PRPF40B: variants seen among roughly 807,000 people sequenced by gnomAD.
The protein encoded by PRPF40B is pre-mRNA-processing factor 40 homolog B.
A neutral mutation model predicts 124.5 loss-of-function variants in PRPF40B; 56 were observed. That is an observed-to-expected ratio of 0.45 (90% CI 0.36 to 0.56). PRPF40B has a LOEUF of 0.56. Among genes scored for constraint, PRPF40B ranks in the 20% least tolerant of loss-of-function variants. PRPF40B has a pLI of 0.00. For missense variants in PRPF40B, 1,053 were observed against 1,169.5 expected (o/e 0.90, Z 1.45); for synonymous variants, 443 against 426.4 (o/e 1.04, Z -0.48).
At chr12:49,630,731 C>A in intron 2 of PRPF40B, 106 bp downstream of exon 2, 1 of 630,832 alleles carries the variant, frequency 1.6e-6, no homozygotes, top group Non-Finnish European at 2.9e-6. Context: ...TGTAATGCCC[C>A]TTTTGCTGAC....
rs1393402421 is a variant in PRPF40B, at chr12:49,643,771, A to C, written c.2442+19A>C. ...CAAGTCGGTGAGTGAAGGAACTTCTACCTAAGCCCCTGCTATTTTGTGAGT... is the reference window on the plus strand; with the variant it reads ...CAAGTCGGTGAGTGAAGGAACTTCTCCCTAAGCCCCTGCTATTTTGTGAGT... On this transcript the variant is annotated intron_variant, in intron 24 of 25. Coordinates refer to ENST00000548825, the MANE Select transcript of PRPF40B (RefSeq NM_001031698.3). 6.2e-7 allele frequency: 1 copy of C among 1,613,762 alleles called. No homozygotes were observed. The highest frequency in any genetic ancestry group is 8.5e-7 in the Non-Finnish European group (1 of 1,179,924).
At chr12:49,637,676 GCCCCCAGGCCTTGGGAAGCTGCCGC>G (rs1244964405) in intron 17 of PRPF40B, 32 bp from the exon 18 acceptor site, 1 of 1,519,464 alleles carries the variant, frequency 6.6e-7, no homozygotes, top group Non-Finnish European at 9.0e-7. Flanking sequence ...CCTCGGCCCA[GCCCCCAGGCCTTGGGAAGCTGCCGC>G]CCGCCAGGCC....
In PRPF40B at chr12:49,626,627, G is replaced by A. The variant is rs1195182909; in HGVS notation, c.3+3034G>A. On this transcript the variant is annotated intron_variant, in intron 1 of 25. Coordinates refer to ENST00000548825, the MANE Select transcript of PRPF40B (RefSeq NM_001031698.3). ...AGGAGGAGGGAAGCCATTGAGTCAG[G>A]ATGAGCAAAGAAGAGTGTGGGGCGG... Among the ~76,000 whole-genome samples, 5 of 152,206 alleles carry A rather than the reference G, an allele frequency of 3.3e-5. No individual in the cohort carries two copies. The South Asian group carries it at 8.3e-4, about 25-fold the overall frequency.
Position 49,633,101 on chromosome 12 carries a change from A to C in PRPF40B, c.436A>C (p.Ser146Arg). The change falls in exon 7 of 26, where the codon AGC (serine) becomes CGC (arginine). Residue 146 changes from serine (S) to arginine (R), a missense_variant. Physicochemically the swap from Ser to Arg is moderately radical, Grantham distance 110. Around this residue, in one of 2 missense-constraint regions of PRPF40B, gnomAD observed 895 missense variants for 1,052.2 expected, o/e 0.85. Coordinates refer to ENST00000548825, the MANE Select transcript of PRPF40B (RefSeq NM_001031698.3). ...DDKQSVWEKP[S>R]VLKSKAELLL... ...CAAGCAGTCCGTGTGGGAGAAGCCCAGCGTGCTCAAGTCCAAGGCAGAGGT... is the reference window on the plus strand; with the variant it reads ...CAAGCAGTCCGTGTGGGAGAAGCCCCGCGTGCTCAAGTCCAAGGCAGAGGT... 1.3e-6 allele frequency: 2 copies of C among 1,597,752 alleles called. No homozygotes were observed. The highest frequency in any genetic ancestry group is 3.5e-5 in the Admixed American group (2 of 57,442).
chr12:49,631,773 G>T lies in PRPF40B; in HGVS notation c.229-87G>T. 1 of 1,375,504 alleles carries T rather than the reference G, an allele frequency of 7.3e-7. No homozygotes were observed. Among genetic ancestry groups the T allele is most frequent in the Non-Finnish European group, 1.0e-6 (1 of 964,080 alleles). The allele number at this position is 1,375,504 out of a possible 1,614,324, so 85.2% of individuals were successfully genotyped here. A position where few individuals can be genotyped will look rare whatever the true frequency, so the allele number is the denominator to read the frequency against. On this transcript the variant is annotated intron_variant, in intron 3 of 25. Coordinates refer to ENST00000548825, the MANE Select transcript of PRPF40B (RefSeq NM_001031698.3). The surrounding 1 kb of genome is among the most constrained non-coding windows in gnomAD (Gnocchi z 4.3). Reference sequence around the variant, plus strand: ...CAAGTGAGGGTCATGGCTCCAGTGAGATGTCTCAGGACCCTTTGAGGTACC... The same window carrying T: ...CAAGTGAGGGTCATGGCTCCAGTGATATGTCTCAGGACCCTTTGAGGTACC...
intron 22 of PRPF40B, 72 bp from the exon 23 acceptor site, chr12:49,643,151 T>G: frequency 1.3e-6 from 2 of 1,596,952 alleles, no homozygotes; most frequent in Admixed American, 1.7e-5. Context: ...TCCTCCTCTC[T>G]CGAATTCCCA....
chr12:49,628,383 C>T (rs1353875403), intron 1 of PRPF40B, among the ~76,000 whole-genome samples: 1 of 151,998 alleles, frequency 6.6e-6, no homozygotes, highest in Non-Finnish European at 1.5e-5. Context: ...GCCTCAGCCT[C>T]CCCAGTAGCT....
At chr12:49,624,088 C>T in intron 1 of PRPF40B, 1 of 987,280 alleles carries the variant, frequency 1.0e-6, no homozygotes, top group Non-Finnish European at 1.2e-6. Context: ...AAGAGCTTGT[C>T]TCCTGAGGTG....
chr12:49,633,680 T>C lies in PRPF40B; in HGVS notation c.605+19T>C. On this transcript the variant is annotated intron_variant, in intron 9 of 25. Coordinates refer to ENST00000548825, the MANE Select transcript of PRPF40B (RefSeq NM_001031698.3). ...CTGCAGGGTGAGTGACTTGCCCACC[T>C]ATCCATTTATAGTTGGGGCACCTGG... 6.2e-7 allele frequency: 1 copy of C among 1,614,160 alleles called. No homozygotes were observed. The highest frequency in any genetic ancestry group is 8.5e-7 in the Non-Finnish European group (1 of 1,180,010).
chr12:49,639,067 G>C (rs1942247309), intron 18 of PRPF40B: 1 of 152,164 alleles, frequency 6.6e-6, no homozygotes, highest in Admixed American at 6.5e-5. Context: ...ACATGCCCCA[G>C]CTTGGAAGTA....
At position 49,632,969 on chromosome 12, in the gene PRPF40B, G is replaced by A. The variant is rs1941372685; in HGVS notation, c.349-45G>A. 6 of 1,608,838 alleles carry A rather than the reference G, an allele frequency of 3.7e-6. No individual in the cohort carries two copies. The East Asian group carries it at 1.1e-4, about 30-fold the overall frequency. On this transcript the variant is annotated intron_variant, in intron 6 of 25. Transcript: ENST00000548825. ...ATCTTTGGGGTGAGGAGAGGCTTTG[G>A]AAAAGGGGCCTTGACCACCATTCTG...
chr12:49,623,906 G>A (rs1940450675), intron 1 of PRPF40B: 1 of 1,162,782 alleles, frequency 8.6e-7, no homozygotes, highest in South Asian at 4.4e-5. Context: ...GAAGAGAGAG[G>A]GCGGAGATGA....
intron 7 of PRPF40B, 27 bp downstream of exon 7, chr12:49,633,151 C>G (rs1363175387): frequency 1.3e-6 from 2 of 1,556,360 alleles, no homozygotes; most frequent in Non-Finnish European, 1.7e-6. Context: ...TCTGGCCCTT[C>G]CTTTCAGCTG....
chr12:49,634,951 A>G (rs1941613441), intron 12 of PRPF40B, 148 bp from the exon 13 acceptor site: 7 of 829,918 alleles, frequency 8.4e-6, no homozygotes, highest in Middle Eastern at 3.7e-4. Flanking sequence ...TGTCACCCCT[A>G]CTTCTCCATG....
intron 18 of PRPF40B, chr12:49,638,099 T>C: frequency 2.5e-6 from 1 of 404,766 alleles, no homozygotes; most frequent in Non-Finnish European, 4.5e-6. Flanking sequence ...ACATTTGAAC[T>C]GTGCATTTAG....
chr12:49,635,547 C>A lies in PRPF40B; in HGVS notation c.1275+74C>A. The A allele has an allele frequency of 7.2e-7, 1 of 1,396,200 alleles. No homozygotes were observed. 86.5% of individuals were successfully genotyped at this position (1,396,200 alleles called of 1,614,324 possible). A position where few individuals can be genotyped will look rare whatever the true frequency, so the allele number is the denominator to read the frequency against. On this transcript the variant is annotated intron_variant, in intron 14 of 25. Transcript: ENST00000548825. The surrounding 1 kb of genome is among the most constrained non-coding windows in gnomAD (Gnocchi z 4.1). ...CCTTGTCTTTGCTTTGTTATGGACC[C>A]TCGCCATTTACTTCTCTACTTCCCC... is the stretch of plus-strand genomic sequence containing the variant.
chr12:49,643,062 T>TG, intron 22 of PRPF40B, 46 bp downstream of exon 22: 1 of 1,605,272 alleles, frequency 6.2e-7, no homozygotes, highest in Non-Finnish European at 8.5e-7. Flanking sequence ...TGGGTTGTTT[T>TG]GGGGAAATAA....
rs762600633 is a variant in PRPF40B at position 49,637,544 on chromosome 12, C to T, written c.1635C>T (p.Val545=). 3 of 1,613,918 alleles carry T rather than the reference C, an allele frequency of 1.9e-6. No individual in the cohort carries two copies. The highest frequency in any genetic ancestry group is 2.5e-6 in the Non-Finnish European group (3 of 1,180,048). ...MSTWMELYPA[V]STDVRFANML... Reference sequence around the variant, plus strand: ...CCTGGATGGAGCTATATCCAGCAGTCAGCACTGATGTCCGCTTTGCCAACA... The same window carrying T: ...CCTGGATGGAGCTATATCCAGCAGTTAGCACTGATGTCCGCTTTGCCAACA... Residue 545 remains valine, a synonymous_variant, in exon 17 of 26, where the codon GTC becomes GTT. Coordinates refer to ENST00000548825, the MANE Select transcript of PRPF40B (RefSeq NM_001031698.3).
chr12:49,630,570 C>A lies in PRPF40B; in HGVS notation c.29C>A (p.Pro10His). The A allele has an allele frequency of 7.1e-7, 1 of 1,413,900 alleles. No individual in the cohort carries two copies. Among genetic ancestry groups the A allele is most frequent in the Non-Finnish European group, 9.9e-7 (1 of 1,005,800 alleles). 87.6% of individuals were successfully genotyped at this position (1,413,900 alleles called of 1,614,324 possible). MSVPDSGPRPPAAPAPFPPG... is the reference protein window; with the variant it reads MSVPDSGPRHPAAPAPFPPG... ...TCGGTTCCCGATTCTGGTCCCCGGC[C>A]CCCAGCAGCGCCTGCCCCCTTCCCA... Residue 10 changes from proline to histidine, a missense_variant, in exon 2 of 26, where the codon CCC (proline) becomes CAC (histidine). Transcript: ENST00000548825.
Sources: allele counts gnomAD v4.1 joint callset (sites outside exome capture counted in the v4.1 genomes callset), GRCh38; gene constraint gnomAD v4.1.1; regional missense constraint gnomAD v4.1.1; non-coding constraint Gnocchi (gnomAD v3.1); transcripts MANE v1.5; gene names NCBI Gene and HGNC (gene_info 2026-07-23, HGNC 2026-07-21).